PLD1: variants seen among roughly 807,000 people sequenced by gnomAD.
The protein encoded by PLD1 is choline phosphatase 1.
In PLD1, 112 loss-of-function variants were observed where a neutral mutation model predicts 137.1. That is an observed-to-expected ratio of 0.82 (90% CI 0.70 to 0.96). The LOEUF is 0.96. Among genes scored for constraint, PLD1 ranks in the 40% least tolerant of loss-of-function variants. The probability of loss-of-function intolerance (pLI) is 0.00; values close to 1 mark genes in which losing one functional copy is unlikely to be tolerated. For missense variants in PLD1, 1,321 were observed against 1,342.0 expected (o/e 0.98, Z 0.24); for synonymous variants, 431 against 454.7 (o/e 0.95, Z 0.66).
At chr3:171,757,210 G>T (rs1256771903) in intron 1 of PLD1, among the ~76,000 whole-genome samples, 1 of 152,178 alleles carries the variant, frequency 6.6e-6, no homozygotes, top group East Asian at 1.9e-4. Context: ...ACTCTGCTCA[G>T]TGAGATAATT....
chr3:171,712,522 A>G (rs998891400), intron 9 of PLD1, among the ~76,000 whole-genome samples: 1 of 152,170 alleles, frequency 6.6e-6, no homozygotes, highest in Non-Finnish European at 1.5e-5. Flanking sequence ...GGAAAGAGGC[A>G]AGAAAAAAAT....
rs1388505516 is a variant in PLD1, at chr3:171,751,072, CTGTT to C, written c.-31-12994_-31-12991del. Among the ~76,000 whole-genome samples the C allele has an allele frequency of 2.0e-5, 3 of 152,136 alleles. No homozygotes were observed. The East Asian group carries it at 5.8e-4, about 29-fold the overall frequency. On this transcript the variant is annotated intron_variant, in intron 1 of 26. Transcript: ENST00000351298. The stretch of plus-strand genomic sequence containing the variant: ...GAAAAAAATAATGGAGAAAAATAAA[CTGTT>C]TAATAAACAATGCTGAGACTATTGG...
intron 1 of PLD1, among the ~76,000 whole-genome samples, chr3:171,764,874 A>AGGAAGGAAGGAAGGAAGGAAGGAAGGAAG (rs1491189380): frequency 8.4e-5 from 2 of 23,790 alleles, no homozygotes; most frequent in African/African-American, 1.7e-4. Context: ...AAAGAAAGAA[A>AGGAAGGAAGGAAGGAAGGAAGGAAGGAAG]GAAAGAAAGA....
chr3:171,678,114 G>A (rs772205951), intron 16 of PLD1, among the ~76,000 whole-genome samples: 11 of 152,116 alleles, frequency 7.2e-5, no homozygotes, highest in Admixed American at 2.0e-4. Context: ...AACCTGAGAC[G>A]CAGGGGCAAT....
intron 1 of PLD1, among the ~76,000 whole-genome samples, chr3:171,764,875 GAAAGAAAGA>G (rs778458963): frequency 3.3e-5 from 1 of 30,202 alleles, no homozygotes; most frequent in Non-Finnish European, 6.9e-5. Flanking sequence ...AAGAAAGAAA[GAAAGAAAGA>G]AAGAAAGAAA....
At chr3:171,753,324 A>G (rs558843372) in intron 1 of PLD1, among the ~76,000 whole-genome samples, 201 of 152,322 alleles carry the variant, frequency 1.3e-3, no homozygotes, top group African/African-American at 4.7e-3. Context: ...GGTTGCATCA[A>G]TACTAACAAG....
intron 1 of PLD1, among the ~76,000 whole-genome samples, chr3:171,750,519 A>C (rs1278862682): frequency 6.6e-6 from 1 of 152,216 alleles, no homozygotes; most frequent in African/African-American, 2.4e-5. Flanking sequence ...AATTTGGTGA[A>C]AGAAATAAAT....
intron 19 of PLD1, among the ~76,000 whole-genome samples, chr3:171,669,896 G>A (rs1712567324): frequency 6.6e-6 from 1 of 152,194 alleles, no homozygotes; most frequent in African/African-American, 2.4e-5. Context: ...AGGTTACACA[G>A]CTCATATGTC....
At chr3:171,783,517 G>T (rs556156527) in intron 1 of PLD1, among the ~76,000 whole-genome samples, 83 of 152,224 alleles carry the variant, frequency 5.5e-4, no homozygotes, top group Non-Finnish European at 9.6e-4. Flanking sequence ...TTGATCTGAG[G>T]ATATTACAAG....
chr3:171,639,049 T>A (rs543997642), intron 23 of PLD1, among the ~76,000 whole-genome samples: 1 of 151,810 alleles, frequency 6.6e-6, no homozygotes, highest in Non-Finnish European at 1.5e-5. Context: ...GGGAATTACA[T>A]AGCCAGCTTT....
chr3:171,721,730 C>T (rs1718138137), intron 8 of PLD1, among the ~76,000 whole-genome samples: 1 of 151,780 alleles, frequency 6.6e-6, no homozygotes, highest in Non-Finnish European at 1.5e-5. Context: ...TATATTATTT[C>T]CCTTCTTATT....
At chr3:171,645,073 T>C (rs1246560944) in intron 21 of PLD1, 50 bp from the exon 22 acceptor site, 1 of 1,188,422 alleles carries the variant, frequency 8.4e-7, no homozygotes, top group Non-Finnish European at 1.3e-6. Flanking sequence ...AAAGGTAGTA[T>C]CAATTTTAGA....
At chr3:171,669,201 T>A (rs938989148) in intron 19 of PLD1, among the ~76,000 whole-genome samples, 1 of 152,208 alleles carries the variant, frequency 6.6e-6, no homozygotes, top group East Asian at 1.9e-4. Flanking sequence ...CAGTGGCGTG[T>A]GACCAATGTT....
At chr3:171,669,386 C>T (rs964301073) in intron 19 of PLD1, among the ~76,000 whole-genome samples, 20 of 152,044 alleles carry the variant, frequency 1.3e-4, no homozygotes, top group African/African-American at 4.8e-4. Context: ...GAAATGTTAA[C>T]TTCTTTGTTG....
At chr3:171,713,167 A>G (rs1238356134) in intron 9 of PLD1, among the ~76,000 whole-genome samples, 2 of 152,220 alleles carry the variant, frequency 1.3e-5, no homozygotes, top group African/African-American at 2.4e-5. Flanking sequence ...TCCTTTCAAG[A>G]TATCTTTCTT....
rs766819875 is a variant in PLD1, at chr3:171,687,392, T to C, written c.1732A>G (p.Ser578Gly). 2 of 1,614,164 alleles carry C rather than the reference T, an allele frequency of 1.2e-6. No homozygotes were observed. The highest frequency in any genetic ancestry group is 4.5e-5 in the East Asian group (2 of 44,882). The change falls in exon 15 of 27, where the codon AGC becomes GGC. Residue 578 changes from serine to glycine, a missense_variant. Ser to Gly is a moderately conservative substitution (Grantham distance 56). Coordinates refer to ENST00000351298, the MANE Select transcript of PLD1 (RefSeq NM_002662.5). ...RHHLHDADSI[S>G]SIDSTSSYFN... ...TTACTGGAGGTGCTGTCAATGCTGC[T>C]GATGCTATCTGCGTCGTGCAGGTGG...
chr3:171,704,913 A>G (rs1716551206), intron 11 of PLD1, among the ~76,000 whole-genome samples: 2 of 152,176 alleles, frequency 1.3e-5, no homozygotes, highest in Non-Finnish European at 2.9e-5. Context: ...TTAGACTCTC[A>G]TAAGGAGCGG....
chr3:171,720,489 A>C (rs1232353126), intron 8 of PLD1, among the ~76,000 whole-genome samples: 4 of 151,336 alleles, frequency 2.6e-5, no homozygotes, highest in Admixed American at 2.0e-4. Flanking sequence ...AGCCTGAGGC[A>C]GGAGAACGGC....
rs551125277 is a variant in PLD1 at position 171,624,043 on chromosome 3, TAAC to T, written c.2594-3526_2594-3524del. Among the ~76,000 whole-genome samples the T allele has an allele frequency of 5.7e-4, 56 of 97,458 alleles. 1 individual carries two copies. The highest frequency in any genetic ancestry group is 2.1e-3 in the African/African-American group (55 of 26,458). 63.9% of individuals were successfully genotyped at this position (97,458 alleles called of 152,430 possible). ...TTGTAAATTGGTTAGATTAAAAAAA[TAAC>T]AACACGTTTGCATGACACAAAACAC... is the stretch of plus-strand genomic sequence containing the variant. On this transcript the variant is annotated intron_variant, in intron 23 of 26. Transcript: ENST00000351298.
Sources: gnomAD v4.1 joint callset for allele counts (sites outside exome capture counted in the v4.1 genomes callset) on GRCh38, gnomAD v4.1.1 for gene constraint, MANE v1.5 for transcripts, NCBI Gene and HGNC (gene_info 2026-07-23, HGNC 2026-07-21) for gene names.